WDR27: variants seen among roughly 807,000 people sequenced by gnomAD.
WDR27 encodes WD repeat-containing protein 27.
Under a neutral mutation model 114.4 loss-of-function variants are expected in WDR27, and 100 were observed. The observed-to-expected ratio is 0.87, with a 90% CI of 0.74 to 1.03. The LOEUF (loss-of-function observed/expected upper bound fraction) is 1.03. Among genes scored for constraint, WDR27 ranks in the 50% least tolerant of loss-of-function variants. WDR27 has a pLI of 0.00. For missense variants in WDR27, 1,129 were observed against 1,092.9 expected, an observed-to-expected ratio of 1.03 and a Z score of -0.47; for synonymous variants, 449 against 423.1, an observed-to-expected ratio of 1.06 and a Z score of -0.75.
intron 25 of WDR27, among the ~76,000 whole-genome samples, chr6:169,486,110 AC>A (rs1440163650): frequency 6.6e-6 from 1 of 152,024 alleles, no homozygotes; most frequent in Non-Finnish European, 1.5e-5. Context: ...GATATGATAT[AC>A]CTATATAATA....
At chr6:169,656,365 C>T (rs1048781515) in intron 13 of WDR27, among the ~76,000 whole-genome samples, 3 of 152,118 alleles carry the variant, frequency 2.0e-5, no homozygotes, top group African/African-American at 4.8e-5. Flanking sequence ...GGCTTTCAGA[C>T]GTGAAGCTGT....
chr6:169,589,542 T>G (rs1805300394), intron 23 of WDR27, among the ~76,000 whole-genome samples: 1 of 152,198 alleles, frequency 6.6e-6, no homozygotes, highest in Admixed American at 6.5e-5. Context: ...AGGAAAGGCC[T>G]TTTGTTTCCT....
At chr6:169,661,242 G>C (rs926742431) in intron 9 of WDR27, among the ~76,000 whole-genome samples, 4 of 152,250 alleles carry the variant, frequency 2.6e-5, no homozygotes, top group African/African-American at 7.2e-5. Flanking sequence ...GTCAGTGCCA[G>C]TGCCTGGGCC....
chr6:169,645,242 G>A (rs189869040), intron 16 of WDR27, among the ~76,000 whole-genome samples: 57 of 151,720 alleles, frequency 3.8e-4, no homozygotes, highest in South Asian at 6.3e-4. Flanking sequence ...GAGTCACACT[G>A]TAGAAAATCC....
In WDR27 at chr6:169,659,229, A is replaced by G. The variant is rs1226903497; in HGVS notation, c.1198-22T>C. ...GCACCTGCAGGGACGCGGTTTCAAC[A>G]TCGTTAGCGACACCACCCAGTAAAA... is the stretch of plus-strand genomic sequence containing the variant. On this transcript the variant is annotated intron_variant, in intron 11 of 25. Transcript: ENST00000448612. The surrounding 1 kb of genome is among the most constrained non-coding windows in gnomAD (Gnocchi z 4.3). 1.3e-6 allele frequency: 2 copies of G among 1,575,000 alleles called. No individual in the cohort carries two copies. Among genetic ancestry groups the G allele is most frequent in the Non-Finnish European group, 8.6e-7 (1 of 1,161,096 alleles).
At chr6:169,574,367 G>T (rs1179901436) in intron 24 of WDR27, among the ~76,000 whole-genome samples, 1 of 152,210 alleles carries the variant, frequency 6.6e-6, no homozygotes, top group Non-Finnish European at 1.5e-5. Context: ...AGCGTATCTA[G>T]AAATTTACTC....
chr6:169,623,522 G>T (rs190921760), intron 21 of WDR27, among the ~76,000 whole-genome samples: 1 of 152,120 alleles, frequency 6.6e-6, no homozygotes, highest in East Asian at 1.9e-4. Context: ...AGCCAGTGAC[G>T]GCACCACTCA....
chr6:169,640,871 T>A (rs956838229), intron 17 of WDR27, among the ~76,000 whole-genome samples: 1 of 152,236 alleles, frequency 6.6e-6, no homozygotes, highest in African/African-American at 2.4e-5. Flanking sequence ...GTGAAGTCAC[T>A]GCTACCCATG....
intron 8 of WDR27, 57 bp from the exon 9 acceptor site, chr6:169,662,481 T>G: frequency 6.3e-7 from 1 of 1,594,276 alleles, no homozygotes; most frequent in Non-Finnish European, 8.6e-7. Context: ...CCGTCAAGTT[T>G]AAAGGCTGAG....
chr6:169,460,647 A>T (rs1371787558), intron 25 of WDR27, among the ~76,000 whole-genome samples: 1 of 152,186 alleles, frequency 6.6e-6, no homozygotes, highest in African/African-American at 2.4e-5. Context: ...GCAGATTGAC[A>T]GAATGGATTA....
intron 24 of WDR27, among the ~76,000 whole-genome samples, chr6:169,577,121 G>A (rs1403419766): frequency 6.6e-6 from 1 of 151,824 alleles, no homozygotes; most frequent in Non-Finnish European, 1.5e-5. Flanking sequence ...CCACAAGAGG[G>A]ACGCCAGCGG....
chr6:169,520,696 C>A (rs578014526), intron 25 of WDR27, among the ~76,000 whole-genome samples: 1 of 151,558 alleles, frequency 6.6e-6, no homozygotes, highest in African/African-American at 2.4e-5. Flanking sequence ...ATTAACAAAG[C>A]GATTAAAGAG....
At chr6:169,694,973 CAG>C (rs1249540467) in intron 1 of WDR27, among the ~76,000 whole-genome samples, 1 of 152,196 alleles carries the variant, frequency 6.6e-6, no homozygotes, top group Non-Finnish European at 1.5e-5. Flanking sequence ...AGGCCTGGGA[CAG>C]AGACCTCTCC....
At position 169,553,026 on chromosome 6, in the gene WDR27, GTA is replaced by G. The variant is rs1384607238; in HGVS notation, c.2645+19391_2645+19392del. On this transcript the variant is annotated intron_variant, in intron 25 of 25. Transcript: ENST00000448612. ...TGTGTGTGTGTGTGTGTGTGTGTGT[GTA>G]TGCAGGGAGGTGGGGAGGGCCTGGA... Among the ~76,000 whole-genome samples the G allele has an allele frequency of 3.0e-3, 310 of 102,082 alleles. 7 individuals are homozygous for G. Among genetic ancestry groups the G allele is most frequent in the East Asian group, 0.012 (41 of 3,530 alleles). 67.0% of individuals were successfully genotyped at this position (102,082 alleles called of 152,430 possible). A position where few individuals can be genotyped will look rare whatever the true frequency, so the allele number is the denominator to read the frequency against.
At chr6:169,608,120 A>G (rs969737110) in intron 22 of WDR27, among the ~76,000 whole-genome samples, 4 of 152,240 alleles carry the variant, frequency 2.6e-5, no homozygotes, top group African/African-American at 9.6e-5. Context: ...AATATATGGT[A>G]TAAAAGGAAA....
intron 25 of WDR27, among the ~76,000 whole-genome samples, chr6:169,487,647 C>A (rs115160060): frequency 6.6e-6 from 1 of 152,136 alleles, no homozygotes; most frequent in Non-Finnish European, 1.5e-5. Context: ...TTTGCCTGCA[C>A]GAATATGGCC....
Position 169,613,602 on chromosome 6 carries a change from C to T in WDR27, c.2278G>A (p.Ala760Thr). The change falls in exon 22 of 26, where the codon GCC becomes ACC. Residue 760 changes from alanine (A) to threonine (T), a missense_variant. Coordinates refer to ENST00000448612, the MANE Select transcript of WDR27 (RefSeq NM_182552.5). ...CACAGTCTCATCCCATCGCCAATGG[C>T]CGTGGTCAGGAAAAGGTTATAAGCC... ...PQAYNLFLTT[A>T]IGDGMRLWDL... 6.2e-7 allele frequency: 1 copy of T among 1,613,778 alleles called. No individual in the cohort carries two copies. The highest frequency in any genetic ancestry group is 1.1e-5 in the South Asian group (1 of 91,070).
At chr6:169,606,798 GA>G (rs1194685495) in intron 22 of WDR27, among the ~76,000 whole-genome samples, 1 of 152,128 alleles carries the variant, frequency 6.6e-6, no homozygotes, top group Non-Finnish European at 1.5e-5. Context: ...CTTTATAATA[GA>G]ATGATTTATA....
chr6:169,481,564 TC>T (rs1401176156), intron 25 of WDR27, among the ~76,000 whole-genome samples: 1 of 152,174 alleles, frequency 6.6e-6, no homozygotes, highest in African/African-American at 2.4e-5. Context: ...ACCGCAAAAG[TC>T]TGCAGCTTCA....
Sources: allele counts gnomAD v4.1 joint callset (sites outside exome capture counted in the v4.1 genomes callset), GRCh38; gene constraint gnomAD v4.1.1; non-coding constraint Gnocchi (gnomAD v3.1); transcripts MANE v1.5; gene names NCBI Gene and HGNC (gene_info 2026-07-23, HGNC 2026-07-21).